The following LIFR variants were observed in gnomAD, a reference collection of about 807,000 sequenced individuals.
The protein encoded by LIFR is leukemia inhibitory factor receptor.
Under a neutral mutation model 122.2 loss-of-function variants are expected in LIFR, and 84 were observed. The ratio of observed to expected loss-of-function variants is 0.69; its 90% CI spans 0.58 to 0.82. The LOEUF is 0.82. Ranked by LOEUF, LIFR falls within the 40% of genes least tolerant of loss-of-function variation. The pLI is 0.00. For missense variants in LIFR, 1,294 were observed against 1,311.6 expected (o/e 0.99, Z 0.21); for synonymous variants, 422 against 434.7 (o/e 0.97, Z 0.36).
chr5:38,503,781 G>GA (rs1745306911), intron 10 of LIFR, among the ~76,000 whole-genome samples, 195 bp downstream of exon 10: 1 of 148,858 alleles, frequency 6.7e-6, no homozygotes, highest in Non-Finnish European at 1.5e-5. Flanking sequence ...ACATTCTGAG[G>GA]AGTAAAAGTC....
chr5:38,557,673 G>T (rs1413303458), upstream of LIFR: 3 of 154,628 alleles, frequency 1.9e-5, no homozygotes, highest in Admixed American at 1.3e-4. Flanking sequence ...TTATAAATTG[G>T]CAAAATGAAG....
chr5:38,542,236 G>A lies in LIFR; in HGVS notation c.-19-11570C>T, dbSNP rs182919881. Among the ~76,000 whole-genome samples the A allele has an allele frequency of 4.2e-3, 645 of 152,270 alleles. 8 individuals are homozygous for A. Among genetic ancestry groups the A allele is most frequent in the African/African-American group, 0.015 (616 of 41,544 alleles). ...CATAGAAGAAGTACCCACATGTGGG[G>A]ACACTTGAACGTTTAGCAACTTGAG... On this transcript the variant is annotated intron_variant, in intron 1 of 19. Coordinates refer to ENST00000453190, the MANE Select transcript of LIFR (RefSeq NM_001127671.2).
chr5:38,568,006 T>C (rs1453825015), intron 1 of LIFR, among the ~76,000 whole-genome samples: 1 of 152,198 alleles, frequency 6.6e-6, no homozygotes, highest in African/African-American at 2.4e-5. Flanking sequence ...ATTCAACCTA[T>C]TCAAAATTGA....
In LIFR at chr5:38,507,121, C is replaced by T. The variant is rs111321116; in HGVS notation, c.992-489G>A. Reference sequence around the variant, plus strand: ...TATAAGTACTGTTGTTTAGAAAACTCTTGGTAAAATTCTGCATCTCAGTAT... The same window carrying T: ...TATAAGTACTGTTGTTTAGAAAACTTTTGGTAAAATTCTGCATCTCAGTAT... On this transcript the variant is annotated intron_variant, in intron 7 of 19. Coordinates refer to ENST00000453190, the MANE Select transcript of LIFR (RefSeq NM_001127671.2). Among the ~76,000 whole-genome samples the T allele has an allele frequency of 8.1e-3, 1,240 of 152,214 alleles. 5 individuals carry two copies. Among genetic ancestry groups the T allele is most frequent in the African/African-American group, 0.027 (1,139 of 41,522 alleles).
intron 1 of LIFR, among the ~76,000 whole-genome samples, chr5:38,552,552 C>T (rs1212081235): frequency 6.6e-6 from 1 of 152,188 alleles, no homozygotes; most frequent in Non-Finnish European, 1.5e-5. Context: ...TGAACTCTTA[C>T]ACTTATACAA....
At chr5:38,591,314 A>T (rs1272590418) in intron 1 of LIFR, among the ~76,000 whole-genome samples, 1 of 152,228 alleles carries the variant, frequency 6.6e-6, no homozygotes, top group Non-Finnish European at 1.5e-5. Flanking sequence ...AGTGGTAATT[A>T]TGTGCACATT....
intron 11 of LIFR, among the ~76,000 whole-genome samples, chr5:38,502,360 C>T (rs562699380): frequency 3.3e-5 from 5 of 152,088 alleles, no homozygotes; most frequent in East Asian, 1.9e-4. Context: ...CAGATTCAAA[C>T]GATTCACTCC....
chr5:38,496,239 C>T (rs1744868081), intron 13 of LIFR, 143 bp downstream of exon 13: 2 of 716,368 alleles, frequency 2.8e-6, no homozygotes, highest in Admixed American at 4.0e-5. Flanking sequence ...GAACTGTAGA[C>T]ATCAATCTGC....
chr5:38,505,421 C>T (rs1456342968), intron 9 of LIFR, among the ~76,000 whole-genome samples: 1 of 151,482 alleles, frequency 6.6e-6, no homozygotes, highest in African/African-American at 2.4e-5. Context: ...CACACACACA[C>T]ACACACACAC....
At position 38,478,543 on chromosome 5, in the gene LIFR, A is replaced by G; in HGVS notation, c.*3052T>C. On this transcript the variant is annotated 3_prime_UTR_variant, in exon 20 of 20. Transcript: ENST00000453190. Reference sequence around the variant, plus strand: ...GCATACATGTGCTAATCTATGCAATATATGATTCACAAGGTTCATCTAATG... The same window carrying G: ...GCATACATGTGCTAATCTATGCAATGTATGATTCACAAGGTTCATCTAATG... 1 of 196,200 alleles carries G rather than the reference A, an allele frequency of 5.1e-6. No homozygotes were observed. The highest frequency in any genetic ancestry group is 6.1e-5 in the Admixed American group (1 of 16,460). 12.2% of individuals were successfully genotyped at this position (196,200 alleles called of 1,614,324 possible).
At chr5:38,559,905 T>C (rs1748768049), upstream of LIFR, among the ~76,000 whole-genome samples, 1 of 152,242 alleles carries the variant, frequency 6.6e-6, no homozygotes, top group Non-Finnish European at 1.5e-5. Flanking sequence ...TGCTATTGCA[T>C]TTGAAATGCA....
chr5:38,580,003 A>G (rs1033649983), intron 1 of LIFR, among the ~76,000 whole-genome samples: 2 of 152,150 alleles, frequency 1.3e-5, no homozygotes, highest in Non-Finnish European at 2.9e-5. Flanking sequence ...TCTCATTACT[A>G]TGTTTGGAAT....
At chr5:38,525,167 A>G (rs765686489) in intron 4 of LIFR, among the ~76,000 whole-genome samples, 12 of 152,226 alleles carry the variant, frequency 7.9e-5, no homozygotes, top group Non-Finnish European at 1.3e-4. Flanking sequence ...CGGATAAATC[A>G]TGGAAAATTT....
chr5:38,594,949 A>G, intron 1 of LIFR: 1 of 198,330 alleles, frequency 5.0e-6, no homozygotes. Flanking sequence ...AAACTGTACA[A>G]CTGTATACAG....
intron 15 of LIFR, among the ~76,000 whole-genome samples, 196 bp downstream of exon 15, chr5:38,489,994 C>CA (rs58235156): frequency 0.052 from 2,603 of 49,616 alleles, 289 homozygotes; most frequent in East Asian, 0.18. Flanking sequence ...GACCCTCTCT[C>CA]AAAAAAAAAA....
chr5:38,553,640 A>ATATATAT (rs1748338428), intron 1 of LIFR, among the ~76,000 whole-genome samples: 1 of 81,304 alleles, frequency 1.2e-5, no homozygotes, highest in Non-Finnish European at 2.2e-5. Flanking sequence ...ATATATATAT[A>ATATATAT]TATATATATA....
chr5:38,562,675 G>T (rs959638799), intron 1 of LIFR, among the ~76,000 whole-genome samples: 6 of 152,218 alleles, frequency 3.9e-5, no homozygotes, highest in Non-Finnish European at 8.8e-5. Flanking sequence ...TTGAGCTGAG[G>T]TCCAGCCAGG....
Position 38,481,781 on chromosome 5 carries a change from T to A in LIFR, c.3108A>T (p.Thr1036=). 1 of 1,614,102 alleles carries A rather than the reference T, an allele frequency of 6.2e-7. No individual in the cohort carries two copies. Among genetic ancestry groups the A allele is most frequent in the African/African-American group, 1.3e-5 (1 of 75,036 alleles). The part of the protein sequence containing the change: ...AGYRPQANVN[T]WNLVSPDSPR... The stretch of plus-strand genomic sequence containing the variant: ...GAGAGTCTGGAGACACTAAATTCCA[T>A]GTATTTACATTGGCCTGAGGTCTGT... The change falls in exon 20 of 20, where the codon ACA becomes ACT. Residue 1036 remains threonine (T), a synonymous_variant. Coordinates refer to ENST00000453190, the MANE Select transcript of LIFR (RefSeq NM_001127671.2).
chr5:38,478,503 T>C lies in LIFR; in HGVS notation c.*3092A>G, dbSNP rs1053100984. 4.4e-5 allele frequency: 9 copies of C among 206,668 alleles called. No individual in the cohort carries two copies. The highest frequency in any genetic ancestry group is 2.9e-4 in the East Asian group (4 of 13,648). The allele number at this position is 206,668 out of a possible 1,614,324, so 12.8% of individuals were successfully genotyped here. On this transcript the variant is annotated 3_prime_UTR_variant, in exon 20 of 20. Coordinates refer to ENST00000453190, the MANE Select transcript of LIFR (RefSeq NM_001127671.2). Reference sequence around the variant, plus strand: ...TCTAGGGCTGTATAAATTCAACAAATTGATGACCTAGATTGCATACATGTG... The same window carrying C: ...TCTAGGGCTGTATAAATTCAACAAACTGATGACCTAGATTGCATACATGTG...
Sources: allele counts gnomAD v4.1 joint callset (sites outside exome capture counted in the v4.1 genomes callset), GRCh38; gene constraint gnomAD v4.1.1; transcripts MANE v1.5; gene names NCBI Gene and HGNC (gene_info 2026-07-23, HGNC 2026-07-21).